The following SCRN1 variants were observed in gnomAD, a reference collection of about 807,000 sequenced individuals.
SCRN1 encodes the protein secernin-1.
A neutral mutation model predicts 43.3 loss-of-function variants in SCRN1; 19 were observed. The ratio of observed to expected loss-of-function variants is 0.44; its 90% confidence interval spans 0.31 to 0.64. SCRN1 has a LOEUF of 0.64. SCRN1 is among the 30% of genes least tolerant of loss of function. SCRN1 has a pLI of 0.09. For synonymous variants in SCRN1, 183 were observed against 188.9 expected (o/e 0.97, Z 0.26); for missense variants, 447 against 524.1 (o/e 0.85, Z 1.44).
At chr7:29,969,316 G>A (rs1583689565) in intron 1 of SCRN1, 3 of 499,848 alleles carry the variant, frequency 6.0e-6, no homozygotes, top group Non-Finnish European at 1.1e-5. Flanking sequence ...AAACCACAGC[G>A]GCAGCCAAAA....
chr7:29,959,366 C>A (rs1562815485), intron 2 of SCRN1, among the ~76,000 whole-genome samples: 1 of 152,092 alleles, frequency 6.6e-6, no homozygotes, highest in African/African-American at 2.4e-5. Context: ...TCTAAAGAAG[C>A]ATTAATAACT....
At chr7:29,960,356 C>T (rs75739347) in intron 2 of SCRN1, among the ~76,000 whole-genome samples, 2,806 of 150,830 alleles carry the variant, frequency 0.019, 36 homozygotes, top group South Asian at 0.058. Flanking sequence ...TGAATCCATA[C>T]GGTATTTCAT....
rs1340367734 is a variant in SCRN1 at position 29,969,047 on chromosome 7, A to C, written c.21T>G (p.Ser7Arg). The C allele has an allele frequency of 6.2e-7, 1 of 1,613,726 alleles. No homozygotes were observed. The highest frequency in any genetic ancestry group is 2.2e-5 in the East Asian group (1 of 44,868). The change falls in exon 2 of 8, where the codon AGT (serine) becomes AGG (arginine). Residue 7 changes from serine (S) to arginine (R), a missense_variant. Ser to Arg is a moderately radical substitution (Grantham distance 110). Coordinates refer to ENST00000242059, the MANE Select transcript of SCRN1 (RefSeq NM_014766.5). MAAAPPSYCFVAFPPRA... is the reference protein window; with the variant it reads MAAAPPRYCFVAFPPRA... ...GTGGAGGGAAGGCAACAAAACAGTA[A>C]CTTGGAGGAGCTGCAGCCATCCTGA...
rs115866957 is a variant in SCRN1, at chr7:29,965,509, G to A, written c.159+3400C>T. On this transcript the variant is annotated intron_variant, in intron 2 of 7. Transcript: ENST00000242059. This position sits in a 1 kb window ranked among gnomAD's most constrained non-coding sequence, Gnocchi z 4.2. ...GGGGAAGTGAGGGTCGACGTTTCCC[G>A]TGGGCTTCTAGTATAAACTACGTGG... 0.012 allele frequency among the ~76,000 whole-genome samples: 1,869 copies of A among 152,254 alleles called. 47 individuals carry two copies. Among genetic ancestry groups the A allele is most frequent in the African/African-American group, 0.042 (1,726 of 41,524 alleles).
In SCRN1 at chr7:29,944,036, C is replaced by A. The variant is rs537818098; in HGVS notation, c.485G>T (p.Arg162Leu). The change falls in exon 4 of 8, where the codon CGT (arginine) becomes CTT (leucine). Residue 162 changes from arginine to leucine, a missense_variant. Coordinates refer to ENST00000242059, the MANE Select transcript of SCRN1 (RefSeq NM_014766.5). ...GGTCTCGAGCACCCAGGCTTCATCA[C>A]GATCCACAATCAGATATGCACTTTG... is the stretch of plus-strand genomic sequence containing the variant. ...SFQSAYLIVD[R>L]DEAWVLETIG... 2 of 1,614,120 alleles carry A rather than the reference C, an allele frequency of 1.2e-6. No individual in the cohort carries two copies. The highest frequency in any genetic ancestry group is 1.7e-5 in the Admixed American group (1 of 60,006).
At chr7:29,976,130 C>G (rs1788828788) in intron 1 of SCRN1, among the ~76,000 whole-genome samples, 1 of 152,150 alleles carries the variant, frequency 6.6e-6, no homozygotes, top group African/African-American at 2.4e-5. Context: ...CCAATCAGCT[C>G]TCAGTGCGAG....
chr7:29,968,856 G>A, intron 2 of SCRN1, 53 bp downstream of exon 2: 1 of 1,605,660 alleles, frequency 6.2e-7, no homozygotes, highest in Non-Finnish European at 8.5e-7. Flanking sequence ...TGTGCTAGCG[G>A]CAAAGCCAGA....
At chr7:29,962,263 G>T (rs902518570) in intron 2 of SCRN1, among the ~76,000 whole-genome samples, 6 of 145,774 alleles carry the variant, frequency 4.1e-5, no homozygotes, top group Non-Finnish European at 7.5e-5. Flanking sequence ...TTAGATAATT[G>T]TTTATATATA....
upstream of SCRN1, chr7:29,989,890 G>A (rs568810175): frequency 5.6e-4 from 564 of 1,014,702 alleles, 6 homozygotes; most frequent in African/African-American, 9.2e-3. Flanking sequence ...CCCGGCCCCC[G>A]GGGCCCCGCC....
At chr7:29,936,750 G>C (rs1371367798) in intron 5 of SCRN1, 29 bp from the exon 6 acceptor site, 1 of 1,507,430 alleles carries the variant, frequency 6.6e-7, no homozygotes, top group Non-Finnish European at 9.0e-7. Flanking sequence ...CAGACAAATG[G>C]AAAGAGTAGA....
intron 1 of SCRN1, among the ~76,000 whole-genome samples, chr7:29,979,798 ATAACT>A (rs752344789): frequency 2.0e-5 from 3 of 152,284 alleles, no homozygotes; most frequent in Non-Finnish European, 4.4e-5. Flanking sequence ...TAAGGAACAG[ATAACT>A]TATGTAGGAT....
chr7:29,938,360 T>G (rs951383284), intron 5 of SCRN1, among the ~76,000 whole-genome samples: 1 of 152,250 alleles, frequency 6.6e-6, no homozygotes, highest in African/African-American at 2.4e-5. Context: ...CAGAGTCATC[T>G]TTCCTGTAGT....
chr7:29,940,720 T>A lies in SCRN1; in HGVS notation c.701A>T (p.Asp234Val). Residue 234 changes from aspartate (D) to valine (V), a missense_variant, in exon 5 of 8, where the codon GAC becomes GTC. Coordinates refer to ENST00000242059, the MANE Select transcript of SCRN1 (RefSeq NM_014766.5). The stretch of plus-strand genomic sequence containing the variant: ...TAAGCTGTCTTTGCCAGCACCGCAG[T>A]CTAGATGATCCTCAACTGGAGAAAA... ...EVFSPVEDHL[D>V]CGAGKDSLEK... 6.2e-7 allele frequency: 1 copy of A among 1,606,140 alleles called. No homozygotes were observed. Among genetic ancestry groups the A allele is most frequent in the African/African-American group, 1.3e-5 (1 of 74,440 alleles).
At chr7:29,956,065 A>C (rs1294553920) in intron 2 of SCRN1, among the ~76,000 whole-genome samples, 1 of 152,256 alleles carries the variant, frequency 6.6e-6, no homozygotes, top group African/African-American at 2.4e-5. Context: ...TCCAGGCTGC[A>C]GTGGCTTTAC....
Position 29,968,945 on chromosome 7 carries a change from G to A in SCRN1, c.123C>T (p.Phe41=), listed in dbSNP as rs1788583304. The part of the protein sequence containing the change: ...PRDEVQEVVY[F]SAADHEPESK... ...TCTCCGGTTCGTGATCAGCAGCCGA[G>A]AAATACACAACCTCTTGCACTTCAT... Residue 41 remains phenylalanine (F), a synonymous_variant, in exon 2 of 8, where the codon TTC becomes TTT. Coordinates refer to ENST00000242059, the MANE Select transcript of SCRN1 (RefSeq NM_014766.5). 6.2e-7 allele frequency: 1 copy of A among 1,614,156 alleles called. No homozygotes were observed. Among genetic ancestry groups the A allele is most frequent in the South Asian group, 1.1e-5 (1 of 91,078 alleles).
chr7:29,978,213 G>A (rs1788889260), intron 1 of SCRN1, among the ~76,000 whole-genome samples: 1 of 152,210 alleles, frequency 6.6e-6, no homozygotes, highest in African/African-American at 2.4e-5. Context: ...TTGGCCCAGA[G>A]TGCTGCATTA....
upstream of SCRN1, chr7:29,989,932 G>A: frequency 1.6e-6 from 2 of 1,250,874 alleles, no homozygotes; most frequent in South Asian, 1.9e-5. Flanking sequence ...ACGGGCCGCG[G>A]CGCTGCTCAC....
At position 29,944,299 on chromosome 7, in the gene SCRN1, A is replaced by G. The variant is rs191761960; in HGVS notation, c.342-120T>C. 1,600 of 784,582 alleles carry G rather than the reference A, an allele frequency of 2.0e-3. 7 individuals are homozygous for G. Among genetic ancestry groups the G allele is most frequent in the Admixed American group, 2.1e-3 (97 of 46,228 alleles). 48.6% of individuals were successfully genotyped at this position (784,582 alleles called of 1,614,324 possible). On this transcript the variant is annotated intron_variant, in intron 3 of 7. Transcript: ENST00000242059. Reference sequence around the variant, plus strand: ...CATGCCAACATGTGTAAACATGTTAAGTCTGCAGAACAATAAGCAAACTGA... The same window carrying G: ...CATGCCAACATGTGTAAACATGTTAGGTCTGCAGAACAATAAGCAAACTGA...
chr7:29,966,500 G>C (rs1327041301), intron 2 of SCRN1, among the ~76,000 whole-genome samples: 1 of 152,180 alleles, frequency 6.6e-6, no homozygotes, highest in East Asian at 1.9e-4. Context: ...GACAGACAAG[G>C]AAGGTCAGTA....
Sources: allele counts gnomAD v4.1 joint callset (sites outside exome capture counted in the v4.1 genomes callset), GRCh38; gene constraint gnomAD v4.1.1; non-coding constraint Gnocchi (gnomAD v3.1); transcripts MANE v1.5; gene names NCBI Gene and HGNC (gene_info 2026-07-23, HGNC 2026-07-21).